The following RBFOX1 variants were observed in gnomAD, a reference collection of about 807,000 sequenced individuals.
RBFOX1 encodes RNA binding fox-1 homolog 1.
Under a neutral mutation model 57.7 loss-of-function variants are expected in RBFOX1, and 8 were observed. That is an observed-to-expected ratio of 0.14 (90% confidence interval 0.08 to 0.25). The LOEUF (loss-of-function observed/expected upper bound fraction) is 0.25. RBFOX1 is among the 10% of genes least tolerant of loss of function. The pLI is 1.00. For synonymous variants in RBFOX1, 326 were observed against 222.4 expected (o/e 1.47, Z -4.15); for missense variants, 611 against 548.5 (o/e 1.11, Z -1.14).
chr16:6,867,330 T>C (rs1251252114), intron 3 of RBFOX1, among the ~76,000 whole-genome samples: 1 of 152,078 alleles, frequency 6.6e-6, no homozygotes, highest in African/African-American at 2.4e-5. Context: ...GATGATGGTT[T>C]TGTACAAGGA....
intron 14 of RBFOX1, among the ~76,000 whole-genome samples, chr16:7,689,447 C>A (rs953213496): frequency 1.3e-5 from 2 of 152,086 alleles, no homozygotes; most frequent in Admixed American, 1.3e-4. Context: ...GAATCTGCTA[C>A]CTACAGAACA....
intron 3 of RBFOX1, among the ~76,000 whole-genome samples, chr16:5,623,966 C>T (rs912336819): frequency 7.2e-5 from 11 of 152,204 alleles, no homozygotes; most frequent in African/African-American, 2.7e-4. Context: ...ACATTTCCAT[C>T]ATCCCCCAAA....
At chr16:7,019,362 C>T (rs1449010035) in intron 3 of RBFOX1, among the ~76,000 whole-genome samples, 1 of 151,884 alleles carries the variant, frequency 6.6e-6, no homozygotes, top group Admixed American at 6.6e-5. Context: ...GACCTTTTAG[C>T]TGAGATTCAT....
At chr16:7,446,543 A>G (rs538158220) in intron 4 of RBFOX1, among the ~76,000 whole-genome samples, 2 of 152,238 alleles carry the variant, frequency 1.3e-5, no homozygotes, top group Non-Finnish European at 2.9e-5. Flanking sequence ...TGTTAATTGC[A>G]TTTCTACCAT....
intron 3 of RBFOX1, among the ~76,000 whole-genome samples, chr16:6,790,179 T>TATTATTATTATC (rs2082670735): frequency 2.0e-5 from 3 of 146,734 alleles, no homozygotes; most frequent in Admixed American, 1.4e-4. Flanking sequence ...CTATTATTAT[T>TATTATTATTATC]ATTATTATTA....
At chr16:6,832,138 C>T (rs1019351397) in intron 3 of RBFOX1, among the ~76,000 whole-genome samples, 1 of 152,152 alleles carries the variant, frequency 6.6e-6, no homozygotes. Flanking sequence ...TATTTCAAAG[C>T]CTGCGATTCA....
intron 4 of RBFOX1, among the ~76,000 whole-genome samples, chr16:5,896,025 G>A (rs2058156134): frequency 1.3e-5 from 2 of 152,120 alleles, no homozygotes; most frequent in African/African-American, 2.4e-5. Flanking sequence ...TCTTACGTTG[G>A]GTACTTCAGA....
chr16:7,199,500 C>A lies in RBFOX1; in HGVS notation c.27+147402C>A, dbSNP rs116973834. On this transcript the variant is annotated intron_variant, in intron 4 of 15. Transcript: ENST00000550418. Reference sequence around the variant, plus strand: ...GAAGGTTTGGAAGTTTTAACACAGCCAAACACCTGTCATTGCTGTGTATAC... The same window carrying A: ...GAAGGTTTGGAAGTTTTAACACAGCAAAACACCTGTCATTGCTGTGTATAC... Among the ~76,000 whole-genome samples, 4 of 152,110 alleles carry A rather than the reference C, an allele frequency of 2.6e-5. No homozygotes were observed. The South Asian group carries it at 6.2e-4, about 24-fold the overall frequency.
chr16:5,649,738 C>G (rs2049170915), intron 3 of RBFOX1, among the ~76,000 whole-genome samples: 1 of 152,198 alleles, frequency 6.6e-6, no homozygotes, highest in South Asian at 2.1e-4. Context: ...TCAACAAACA[C>G]AAATTGAAGG....
At chr16:7,453,225 G>T (rs978522967) in intron 4 of RBFOX1, among the ~76,000 whole-genome samples, 1 of 151,996 alleles carries the variant, frequency 6.6e-6, no homozygotes, top group Admixed American at 6.6e-5. Context: ...ACTTGTGATC[G>T]AAGGGGTAGG....
At chr16:5,522,030 C>G (rs779499939) in intron 2 of RBFOX1, among the ~76,000 whole-genome samples, 1 of 152,142 alleles carries the variant, frequency 6.6e-6, no homozygotes, top group Non-Finnish European at 1.5e-5. Context: ...TCCCAGCACC[C>G]GGGATTCGAC....
At chr16:6,676,810 G>C (rs945427156) in intron 3 of RBFOX1, among the ~76,000 whole-genome samples, 12 of 151,092 alleles carry the variant, frequency 7.9e-5, no homozygotes, top group African/African-American at 2.9e-4. Flanking sequence ...CTAGTAGCTG[G>C]GATTACAGGC....
intron 4 of RBFOX1, among the ~76,000 whole-genome samples, chr16:7,277,004 C>T (rs2095452928): frequency 6.6e-6 from 1 of 152,142 alleles, no homozygotes; most frequent in South Asian, 2.1e-4. Context: ...TATAACTTTG[C>T]GTCTTTTTCA....
chr16:7,497,159 G>A (rs2068941930), intron 4 of RBFOX1, among the ~76,000 whole-genome samples: 2 of 152,252 alleles, frequency 1.3e-5, no homozygotes, highest in South Asian at 2.1e-4. Flanking sequence ...GTTACTTAAA[G>A]GATCAAATAC....
chr16:7,433,611 G>T (rs137970776), intron 4 of RBFOX1, among the ~76,000 whole-genome samples: 1 of 152,182 alleles, frequency 6.6e-6, no homozygotes, highest in Non-Finnish European at 1.5e-5. Context: ...CTGACTTCAC[G>T]TGTTTGAAGA....
rs565614021 is a variant in RBFOX1 at position 5,666,657 on chromosome 16, C to T, written c.318+67696C>T. 1.4e-3 allele frequency among the ~76,000 whole-genome samples: 217 copies of T among 152,304 alleles called. 1 individual carries two copies. Among genetic ancestry groups the T allele is most frequent in the African/African-American group, 4.7e-3 (197 of 41,572 alleles). Reference sequence around the variant, plus strand: ...TAGGACTGGCAGTGAGCTAGGGCAGCCACTTTAGATAGATAAAGAATGTGA... The same window carrying T: ...TAGGACTGGCAGTGAGCTAGGGCAGTCACTTTAGATAGATAAAGAATGTGA... On this transcript the variant is annotated intron_variant, in intron 3 of 19. Transcript: ENST00000641259.
chr16:5,371,344 G>C (rs1480287559), intron 1 of RBFOX1, among the ~76,000 whole-genome samples: 2 of 152,196 alleles, frequency 1.3e-5, no homozygotes, highest in Admixed American at 1.3e-4. Flanking sequence ...AGGGAAGATA[G>C]GGTACACAGA....
chr16:6,853,397 C>G (rs866538436), intron 3 of RBFOX1, among the ~76,000 whole-genome samples: 1 of 152,072 alleles, frequency 6.6e-6, no homozygotes, highest in Non-Finnish European at 1.5e-5. Context: ...AATTTTAGTT[C>G]GCAGAGTTAC....
chr16:7,324,570 G>A (rs1249538758), intron 4 of RBFOX1, among the ~76,000 whole-genome samples: 1 of 152,242 alleles, frequency 6.6e-6, no homozygotes, highest in Non-Finnish European at 1.5e-5. Context: ...GATCTCAGCA[G>A]AGATGATGTG....
Sources: allele counts gnomAD v4.1 joint callset (sites outside exome capture counted in the v4.1 genomes callset), GRCh38; gene constraint gnomAD v4.1.1; transcripts MANE v1.5; gene names NCBI Gene and HGNC (gene_info 2026-07-23, HGNC 2026-07-21).